The following KARS1 variants were observed in gnomAD, a reference collection of about 807,000 sequenced individuals.
The protein encoded by KARS1 is lysine--tRNA ligase.
In KARS1, 50 loss-of-function variants were observed where a neutral mutation model predicts 63.9. The observed-to-expected ratio is 0.78, with a 90% CI of 0.62 to 0.99. KARS1 has a LOEUF of 0.99. Among genes scored for constraint, KARS1 ranks in the 50% least tolerant of loss-of-function variants. KARS1 has a pLI of 0.00. For missense variants in KARS1, 816 were observed against 754.5 expected (o/e 1.08, Z -0.95); for synonymous variants, 320 against 264.6 (o/e 1.21, Z -2.03).
At chr16:75,632,137 G>A (rs1164420280) in intron 7 of KARS1, among the ~76,000 whole-genome samples, 1 of 152,106 alleles carries the variant, frequency 6.6e-6, no homozygotes, top group Non-Finnish European at 1.5e-5. Context: ...TGATCTGCCT[G>A]CCTCCGCCTC....
chr16:75,632,306 T>C (rs1389601516), intron 7 of KARS1, among the ~76,000 whole-genome samples: 1 of 152,246 alleles, frequency 6.6e-6, no homozygotes, highest in African/African-American at 2.4e-5. Flanking sequence ...CCAAGCACCC[T>C]GCTCTCTTTA....
Position 75,629,447 on chromosome 16 carries a change from G to T in KARS1, c.1519C>A (p.Arg507=). 1 of 1,614,068 alleles carries T rather than the reference G, an allele frequency of 6.2e-7. No individual in the cohort carries two copies. The highest frequency in any genetic ancestry group is 1.3e-5 in the African/African-American group (1 of 75,040). The stretch of plus-strand genomic sequence containing the variant: ...TGTTCTTCAAAAAGCTGCCGCTGCC[G>T]CATGGGATCATTCAGCTCAGTATAC... ...NAYTELNDPM[R]QRQLFEEQAK... Residue 507 remains arginine, a synonymous_variant, in exon 12 of 14, where the codon CGG becomes AGG. Transcript: ENST00000302445.
At chr16:75,639,265 A>G (rs1446055456) in intron 3 of KARS1, among the ~76,000 whole-genome samples, 1 of 151,940 alleles carries the variant, frequency 6.6e-6, no homozygotes, top group African/African-American at 2.4e-5. Flanking sequence ...GAACTAGAAT[A>G]ACTAACATCA....
chr16:75,638,153 A>G (rs923500176), intron 3 of KARS1, among the ~76,000 whole-genome samples: 8 of 152,102 alleles, frequency 5.3e-5, no homozygotes, highest in African/African-American at 1.7e-4. Flanking sequence ...TAGAAGGAGA[A>G]TAACACCCCT....
Position 75,635,722 on chromosome 16 carries a change from G to C in KARS1, c.753C>G (p.Ile251Met). 6.2e-7 allele frequency: 1 copy of C among 1,614,076 alleles called. No homozygotes were observed. Among genetic ancestry groups the C allele is most frequent in the South Asian group, 1.1e-5 (1 of 91,082 alleles). Residue 251 changes from isoleucine (I) to methionine (M), a missense_variant, in exon 6 of 14, where the codon ATC (isoleucine) becomes ATG (methionine). Ile to Met is a conservative substitution (Grantham distance 10). Coordinates refer to ENST00000302445, the MANE Select transcript of KARS1 (RefSeq NM_005548.3). Reference protein sequence around the residue: ...RQKFIIRSKIITYIRSFLDEL... With the variant: ...RQKFIIRSKIMTYIRSFLDEL... ...CATCTAAGAAACTTCTTATATATGT[G>C]ATGATCTTAGAGCGGATGATAAATT...
At chr16:75,631,328 G>A (rs2082110653) in intron 9 of KARS1, 75 bp from the exon 10 acceptor site, 5 of 1,572,850 alleles carry the variant, frequency 3.2e-6, no homozygotes, top group Non-Finnish European at 3.5e-6. Flanking sequence ...AGAGAATAGT[G>A]TGGGAAATTC....
At chr16:75,631,379 G>A (rs918577830) in intron 9 of KARS1, 37 bp downstream of exon 9, 11 of 1,607,760 alleles carry the variant, frequency 6.8e-6, no homozygotes, top group Middle Eastern at 1.6e-4. Context: ...ACAGGAAGGA[G>A]GGCCTTACAA....
At position 75,634,351 on chromosome 16, in the gene KARS1, C is replaced by A. The variant is rs574224894; in HGVS notation, c.796-59G>T. 3.2e-4 allele frequency: 497 copies of A among 1,561,446 alleles called. 2 individuals carry two copies. The African/African-American group carries it at 6.3e-3, about 20-fold the overall frequency. On this transcript the variant is annotated intron_variant, in intron 6 of 13. Coordinates refer to ENST00000302445, the MANE Select transcript of KARS1 (RefSeq NM_005548.3). ...ATAACCAGAGGCCTTGGGGACAGAC[C>A]ATGCTTTGCATGTAATATAGTCTAA...
At chr16:75,644,086 G>A (rs2082254201) in intron 1 of KARS1, among the ~76,000 whole-genome samples, 1 of 152,240 alleles carries the variant, frequency 6.6e-6, no homozygotes, top group Non-Finnish European at 1.5e-5. Context: ...AGATCCACAT[G>A]TCATCTCAAG....
At chr16:75,645,681 T>C (rs2082272973) in intron 1 of KARS1, among the ~76,000 whole-genome samples, 1 of 152,028 alleles carries the variant, frequency 6.6e-6, no homozygotes, top group Non-Finnish European at 1.5e-5. Flanking sequence ...ATCCCGTCTC[T>C]ACTAAAACAC....
chr16:75,633,848 A>G, intron 7 of KARS1: 1 of 359,572 alleles, frequency 2.8e-6, no homozygotes, highest in East Asian at 7.2e-5. Flanking sequence ...CCACAGACAG[A>G]TTAGGCTCTT....
intron 1 of KARS1, among the ~76,000 whole-genome samples, chr16:75,642,368 A>C (rs1328959998): frequency 2.6e-5 from 4 of 151,452 alleles, no homozygotes; most frequent in African/African-American, 4.9e-5. Flanking sequence ...ACAGTCAACT[A>C]ATTTATGTAT....
At chr16:75,646,936 G>C (rs560795808) in intron 1 of KARS1, among the ~76,000 whole-genome samples, 2 of 152,124 alleles carry the variant, frequency 1.3e-5, no homozygotes, top group African/African-American at 2.4e-5. Flanking sequence ...CCAGTTAAAG[G>C]GTGGCTAATC....
intron 1 of KARS1, 61 bp downstream of exon 1, chr16:75,647,517 G>T: frequency 6.7e-7 from 1 of 1,490,874 alleles, no homozygotes; most frequent in Non-Finnish European, 9.3e-7. Context: ...GGAACCTCGC[G>T]GCGCTTCCCA....
rs953600279 is a variant in KARS1 at position 75,634,280 on chromosome 16, T to C, written c.808A>G (p.Met270Val). Residue 270 changes from methionine (M) to valine (V), a missense_variant, in exon 7 of 14, where the codon ATG (methionine) becomes GTG (valine). Transcript: ENST00000302445. ...ELGFLEIETPMMNIIPGGAVA... is the reference protein window; with the variant it reads ...ELGFLEIETPVMNIIPGGAVA... ...GCTCCCCCTGGGATGATGTTCATCATGGGAGTTTCAATCTAAAAAAGGCAG... is the reference window on the plus strand; with the variant it reads ...GCTCCCCCTGGGATGATGTTCATCACGGGAGTTTCAATCTAAAAAAGGCAG... The C allele has an allele frequency of 1.2e-6, 2 of 1,614,038 alleles. No individual in the cohort carries two copies. Among genetic ancestry groups the C allele is most frequent in the Non-Finnish European group, 1.7e-6 (2 of 1,179,930 alleles).
chr16:75,629,267 A>C, intron 12 of KARS1, 148 bp downstream of exon 12: 1 of 923,518 alleles, frequency 1.1e-6, no homozygotes. Flanking sequence ...TGAAGTCACC[A>C]TCTTGAAATG....
rs777867479 is a variant in KARS1, at chr16:75,640,180, C to T, written c.388+4G>A. 1 of 1,613,884 alleles carries T rather than the reference C, an allele frequency of 6.2e-7. No homozygotes were observed. The highest frequency in any genetic ancestry group is 1.1e-5 in the South Asian group (1 of 91,076). On this transcript the variant is annotated splice_donor_region_variant and intron_variant, in intron 3 of 13. Transcript: ENST00000302445. ...TTCAGTGATTTGCCAGGGAGAGTTC[C>T]TACCTGCCACCTTTAAGGTGATGTC...
At chr16:75,628,438 G>C (rs2082075046) in intron 13 of KARS1, 131 bp downstream of exon 13, 1 of 1,063,214 alleles carries the variant, frequency 9.4e-7, no homozygotes, top group Non-Finnish European at 1.4e-6. Flanking sequence ...GAGTGGCATG[G>C]AACTCCTCTG....
At chr16:75,630,019 GC>G (rs1413191826) in intron 11 of KARS1, among the ~76,000 whole-genome samples, 1 of 152,226 alleles carries the variant, frequency 6.6e-6, no homozygotes, top group Non-Finnish European at 1.5e-5. Flanking sequence ...TTGCATTCAT[GC>G]CCATGTGTAG....
Sources: allele counts gnomAD v4.1 joint callset (sites outside exome capture counted in the v4.1 genomes callset), GRCh38; gene constraint gnomAD v4.1.1; transcripts MANE v1.5; gene names NCBI Gene and HGNC (gene_info 2026-07-23, HGNC 2026-07-21).